RAPGEF5: variants seen among roughly 807,000 people sequenced by gnomAD.
RAPGEF5 encodes the protein M-Ras-regulated GEF.
A neutral mutation model predicts 125.2 loss-of-function variants in RAPGEF5; 65 were observed. That is an observed-to-expected ratio of 0.52 (90% CI 0.43 to 0.64). The LOEUF (loss-of-function observed/expected upper bound fraction) is 0.64, where lower values mean the gene tolerates loss of function less well. Ranked by LOEUF, RAPGEF5 falls within the 30% of genes least tolerant of loss-of-function variation. The pLI, the probability that RAPGEF5 is intolerant of heterozygous loss-of-function variation, is 0.00. For missense variants in RAPGEF5, 958 were observed against 1,048.1 expected (o/e 0.91, Z 1.19); for synonymous variants, 391 against 385.9 (o/e 1.01, Z -0.16).
At chr7:22,169,859 CAA>C (rs71026858) in intron 11 of RAPGEF5, among the ~76,000 whole-genome samples, 5 of 25,946 alleles carry the variant, frequency 1.9e-4, no homozygotes, top group Admixed American at 8.1e-4. Flanking sequence ...GACTCTGTGT[CAA>C]AAAAAAAAAA....
intron 8 of RAPGEF5, among the ~76,000 whole-genome samples, chr7:22,228,778 G>T (rs763498834): frequency 1.1e-4 from 16 of 151,568 alleles, no homozygotes; most frequent in South Asian, 4.2e-4. Context: ...CTCCCAAAGT[G>T]CTGGGATTAC....
intron 7 of RAPGEF5, among the ~76,000 whole-genome samples, chr7:22,259,833 C>T (rs10452783): frequency 7.2e-4 from 110 of 152,304 alleles, no homozygotes; most frequent in African/African-American, 2.6e-3. Flanking sequence ...CTCCTGACCT[C>T]GTGATCCACC....
At chr7:22,259,887 C>G (rs562588420) in intron 7 of RAPGEF5, among the ~76,000 whole-genome samples, 5 of 152,316 alleles carry the variant, frequency 3.3e-5, no homozygotes, top group African/African-American at 1.2e-4. Context: ...CGTGAGCCAC[C>G]ACGCCCAGCC....
intron 9 of RAPGEF5, among the ~76,000 whole-genome samples, chr7:22,218,516 T>A (rs1216404105): frequency 1.3e-5 from 2 of 152,178 alleles, no homozygotes; most frequent in Non-Finnish European, 2.9e-5. Flanking sequence ...TATCATCAAT[T>A]GTTAAGACTA....
At chr7:22,349,399 G>C (rs1016521115) in intron 1 of RAPGEF5, among the ~76,000 whole-genome samples, 2 of 147,422 alleles carry the variant, frequency 1.4e-5, no homozygotes, top group African/African-American at 5.1e-5. Context: ...ATTCCAACCT[G>C]GGCGATAGAG....
intron 5 of RAPGEF5, among the ~76,000 whole-genome samples, chr7:22,304,378 T>C (rs1417473684): frequency 6.6e-6 from 1 of 152,220 alleles, no homozygotes; most frequent in Non-Finnish European, 1.5e-5. Flanking sequence ...GCATGCTATA[T>C]AGCAATTCTC....
At chr7:22,263,687 G>T (rs1018549285) in intron 7 of RAPGEF5, among the ~76,000 whole-genome samples, 1 of 150,532 alleles carries the variant, frequency 6.6e-6, no homozygotes, top group East Asian at 1.9e-4. Flanking sequence ...CCGAAATTGC[G>T]CCACTGCACT....
intron 1 of RAPGEF5, among the ~76,000 whole-genome samples, chr7:22,349,925 G>T (rs890594383): frequency 1.3e-5 from 2 of 152,118 alleles, no homozygotes; most frequent in African/African-American, 2.4e-5. Flanking sequence ...GACTCTGGAG[G>T]TTTCAATCTG....
chr7:22,149,359 G>A (rs968727483), intron 18 of RAPGEF5, among the ~76,000 whole-genome samples: 1 of 152,130 alleles, frequency 6.6e-6, no homozygotes. Flanking sequence ...CATACAACAG[G>A]AGCCAGTGAG....
At chr7:22,263,319 T>G (rs1782201434) in intron 7 of RAPGEF5, among the ~76,000 whole-genome samples, 1 of 152,242 alleles carries the variant, frequency 6.6e-6, no homozygotes, top group Non-Finnish European at 1.5e-5. Flanking sequence ...CTGTCTGTAT[T>G]ATTTATTACA....
intron 9 of RAPGEF5, among the ~76,000 whole-genome samples, chr7:22,215,292 C>T (rs1414281134): frequency 1.3e-5 from 2 of 152,148 alleles, no homozygotes; most frequent in Admixed American, 6.5e-5. Flanking sequence ...TTTTCTAATG[C>T]TATTCTTCCC....
At chr7:22,127,211 A>G (rs148067284) in intron 24 of RAPGEF5, among the ~76,000 whole-genome samples, 11,859 of 151,096 alleles carry the variant, frequency 0.078, 1,467 homozygotes, top group African/African-American at 0.27. Context: ...GCTAATTTTT[A>G]TATTTTTAGT....
chr7:22,350,131 C>A (rs542508021), intron 1 of RAPGEF5, among the ~76,000 whole-genome samples: 25 of 151,540 alleles, frequency 1.6e-4, no homozygotes, highest in African/African-American at 5.8e-4. Context: ...ATACTCCTAA[C>A]AAAGATTGTT....
chr7:22,186,034 C>T (rs950634372), intron 11 of RAPGEF5, among the ~76,000 whole-genome samples: 3 of 152,180 alleles, frequency 2.0e-5, no homozygotes, highest in African/African-American at 7.2e-5. Flanking sequence ...CCATGTTGGC[C>T]AGGCTGGTCT....
At position 22,157,833 on chromosome 7, in the gene RAPGEF5, A is replaced by T; in HGVS notation, c.1557+22T>A. 5 of 1,604,270 alleles carry T rather than the reference A, an allele frequency of 3.1e-6. No homozygotes were observed. In the East Asian group the frequency reaches 1.1e-4, roughly 36 times the overall value. ...TCTCCAAACCGGATCACCTAATTTT[A>T]GGTATAGAAGCATCTGCTTACCTTT... On this transcript the variant is annotated intron_variant, in intron 15 of 25. Coordinates refer to ENST00000665637, the MANE Select transcript of RAPGEF5 (RefSeq NM_012294.5).
At chr7:22,251,111 TTC>T (rs1786607466) in intron 7 of RAPGEF5, among the ~76,000 whole-genome samples, 1 of 152,216 alleles carries the variant, frequency 6.6e-6, no homozygotes, top group African/African-American at 2.4e-5. Context: ...CATTAAAGTT[TTC>T]TGTTTAATTA....
At chr7:22,256,317 C>A (rs191017759) in intron 7 of RAPGEF5, among the ~76,000 whole-genome samples, 19 of 152,184 alleles carry the variant, frequency 1.2e-4, no homozygotes, top group Non-Finnish European at 1.8e-4. Context: ...CTGTCACATG[C>A]ACCTAAAATA....
At chr7:22,350,549 A>G (rs1403170648) in intron 1 of RAPGEF5, among the ~76,000 whole-genome samples, 1 of 152,196 alleles carries the variant, frequency 6.6e-6, no homozygotes, top group Non-Finnish European at 1.5e-5. Flanking sequence ...GTCATTACAG[A>G]GGAAGACACT....
chr7:22,205,910 TAGA>T (rs1157781636), intron 9 of RAPGEF5, among the ~76,000 whole-genome samples: 1 of 152,270 alleles, frequency 6.6e-6, no homozygotes, highest in Non-Finnish European at 1.5e-5. Flanking sequence ...AGTAAATTTT[TAGA>T]AGTTCTATCC....
Sources: gnomAD v4.1 joint callset for allele counts (sites outside exome capture counted in the v4.1 genomes callset) on GRCh38, gnomAD v4.1.1 for gene constraint, MANE v1.5 for transcripts, NCBI Gene and HGNC (gene_info 2026-07-23, HGNC 2026-07-21) for gene names.